The following CDH19 variants were observed in gnomAD, a reference collection of about 807,000 sequenced individuals.
The protein encoded by CDH19 is cadherin-19.
CDH19 carries 67 observed loss-of-function variants against 64.2 expected under a neutral mutation model. That is an observed-to-expected ratio of 1.04 (90% CI 0.86 to 1.28). The LOEUF (loss-of-function observed/expected upper bound fraction) is 1.28. Among genes scored for constraint, CDH19 ranks in the 50% most tolerant of loss-of-function variants. The pLI is 0.00. For synonymous variants in CDH19, 346 were observed against 319.3 expected, an observed-to-expected ratio of 1.08 and a Z score of -0.89; for missense variants, 1,030 against 929.0, an observed-to-expected ratio of 1.11 and a Z score of -1.41.
At chr18:66,525,375 T>C (rs1276175073) in intron 9 of CDH19, among the ~76,000 whole-genome samples, 3 of 152,152 alleles carry the variant, frequency 2.0e-5, no homozygotes, top group Non-Finnish European at 4.4e-5. Context: ...GATTGCTTCA[T>C]TGGTTTTAGT....
chr18:66,517,887 G>A lies in CDH19; in HGVS notation c.1459-6202C>T, dbSNP rs528255288. On this transcript the variant is annotated intron_variant, in intron 9 of 11. Transcript: ENST00000262150. ...CTGGGTGTTTTTTATATTTTTAAAC[G>A]TGGCTACAGGAAAATTTACAATTCT... Among the ~76,000 whole-genome samples the A allele has an allele frequency of 3.3e-5, 5 of 151,756 alleles. No homozygotes were observed. In the South Asian group the frequency reaches 1.0e-3, roughly 31 times the overall value.
At chr18:66,543,698 T>C (rs1217220888) in intron 7 of CDH19, among the ~76,000 whole-genome samples, 2 of 151,770 alleles carry the variant, frequency 1.3e-5, no homozygotes, top group Admixed American at 6.6e-5. Flanking sequence ...GCCTGGACAA[T>C]GTGATGAAAC....
intron 3 of CDH19, 27 bp downstream of exon 3, chr18:66,568,389 T>C (rs1987983530): frequency 6.5e-7 from 1 of 1,545,492 alleles, no homozygotes; most frequent in South Asian, 1.2e-5. Context: ...TGTTAATATA[T>C]CTTTGATGTA....
chr18:66,600,979 G>C (rs1232046085), intron 1 of CDH19, among the ~76,000 whole-genome samples: 1 of 151,750 alleles, frequency 6.6e-6, no homozygotes. Flanking sequence ...AATACTATGG[G>C]GGAAGAGTTA....
At chr18:66,596,798 C>G (rs1330052172) in intron 1 of CDH19, among the ~76,000 whole-genome samples, 1 of 151,916 alleles carries the variant, frequency 6.6e-6, no homozygotes, top group Non-Finnish European at 1.5e-5. Context: ...AAAAATCATA[C>G]TAGGCCGGGC....
rs73537788 is a variant in CDH19, at chr18:66,533,178, T to G, written c.1336+1808A>C. ...ACAATTAAGATAGAAATTGTAATTTTCAATTAACTAAAAATTAAAATTTCT... is the reference window on the plus strand; with the variant it reads ...ACAATTAAGATAGAAATTGTAATTTGCAATTAACTAAAAATTAAAATTTCT... On this transcript the variant is annotated intron_variant, in intron 8 of 11. Transcript: ENST00000262150. 2.0e-5 allele frequency among the ~76,000 whole-genome samples: 3 copies of G among 151,360 alleles called. No homozygotes were observed. The East Asian group carries it at 5.8e-4, about 29-fold the overall frequency.
intron 9 of CDH19, among the ~76,000 whole-genome samples, chr18:66,523,651 A>T (rs1986090182): frequency 6.6e-6 from 1 of 151,138 alleles, no homozygotes; most frequent in African/African-American, 2.4e-5. Flanking sequence ...GGTTGTCATG[A>T]GCCCAGGCGG....
chr18:66,577,958 TCTCTA>T (rs1449526267), intron 1 of CDH19, among the ~76,000 whole-genome samples: 1 of 151,970 alleles, frequency 6.6e-6, no homozygotes, highest in African/African-American at 2.4e-5. Flanking sequence ...TTCAAATTTC[TCTCTA>T]CTCTATCTTC....
intron 9 of CDH19, among the ~76,000 whole-genome samples, chr18:66,518,380 C>T (rs968676616): frequency 1.1e-4 from 16 of 151,902 alleles, no homozygotes; most frequent in African/African-American, 3.6e-4. Flanking sequence ...ATTACAGGTG[C>T]CCACCACCGT....
At chr18:66,553,958 C>G (rs1267849044) in intron 4 of CDH19, among the ~76,000 whole-genome samples, 1 of 89,086 alleles carries the variant, frequency 1.1e-5, no homozygotes, top group Non-Finnish European at 2.0e-5. Context: ...TAGCCTTATA[C>G]TCAGACTTAA....
intron 3 of CDH19, among the ~76,000 whole-genome samples, chr18:66,559,650 A>C (rs1987646939): frequency 6.7e-6 from 1 of 150,052 alleles, no homozygotes; most frequent in Non-Finnish European, 1.5e-5. Flanking sequence ...CACAAATGTT[A>C]TATAAAAGTG....
At position 66,535,046 on chromosome 18, in the gene CDH19, T is replaced by C; in HGVS notation, c.1276A>G (p.Asn426Asp). The change falls in exon 8 of 12, where the codon AAC (asparagine) becomes GAC (aspartate). Residue 426 changes from asparagine to aspartate, a missense_variant. Transcript: ENST00000262150. ...GCACTGATTTCACGATCCAGTGAGT[T>C]ACTTGTAGTGATTGTACCATTATCA... The part of the protein sequence containing the change: ...INDNGTITTS[N>D]SLDREISAWY... 6.6e-7 allele frequency: 1 copy of C among 1,521,802 alleles called. No homozygotes were observed. The highest frequency in any genetic ancestry group is 8.9e-7 in the Non-Finnish European group (1 of 1,119,014). 94.3% of individuals were successfully genotyped at this position (1,521,802 alleles called of 1,614,324 possible).
intron 1 of CDH19, among the ~76,000 whole-genome samples, chr18:66,574,857 C>T (rs1988220314): frequency 6.6e-6 from 1 of 151,592 alleles, no homozygotes; most frequent in African/African-American, 2.4e-5. Context: ...CAATGCATGC[C>T]AAATGACACT....
In CDH19 at chr18:66,502,602, C is replaced by T. The variant is rs537274961; in HGVS notation, c.*2210G>A. On this transcript the variant is annotated 3_prime_UTR_variant, in exon 12 of 12. Transcript: ENST00000262150. ...TAGCATTCTTTTTAAATAAAGGAAACAACACTTCATGGAATAATTCATGAA... is the reference window on the plus strand; with the variant it reads ...TAGCATTCTTTTTAAATAAAGGAAATAACACTTCATGGAATAATTCATGAA... 1 of 151,942 alleles carries T rather than the reference C, an allele frequency of 6.6e-6. No homozygotes were observed. The highest frequency in any genetic ancestry group is 2.4e-5 in the African/African-American group (1 of 41,504). 9.4% of individuals were successfully genotyped at this position (151,942 alleles called of 1,614,324 possible). A position where few individuals can be genotyped will look rare whatever the true frequency, so the allele number is the denominator to read the frequency against.
In CDH19 at chr18:66,590,450, G is replaced by T. The variant is rs74584924; in HGVS notation, c.-113+13504C>A. Among the ~76,000 whole-genome samples the T allele has an allele frequency of 5.9e-3, 890 of 151,426 alleles. 11 individuals are homozygous for T. The highest frequency in any genetic ancestry group is 0.021 in the African/African-American group (856 of 41,386). On this transcript the variant is annotated intron_variant, in intron 1 of 11. Coordinates refer to ENST00000262150, the MANE Select transcript of CDH19 (RefSeq NM_021153.4). ...TTGGTGGGATTGGAATTAAGACAAA[G>T]AATTTTGCTTTCTTTAGAGCTGGTA...
chr18:66,530,358 TA>T (rs1324892295), intron 8 of CDH19, among the ~76,000 whole-genome samples: 2 of 152,060 alleles, frequency 1.3e-5, no homozygotes, highest in Non-Finnish European at 2.9e-5. Flanking sequence ...ATTTTACGGA[TA>T]AAAAATTGAT....
chr18:66,579,746 TA>T (rs982586575), intron 1 of CDH19, among the ~76,000 whole-genome samples: 1 of 152,042 alleles, frequency 6.6e-6, no homozygotes, highest in Admixed American at 6.6e-5. Flanking sequence ...TATGGATTTA[TA>T]AAAAATTTAG....
chr18:66,524,175 TTTTC>T (rs968931354), intron 9 of CDH19, among the ~76,000 whole-genome samples: 2 of 152,146 alleles, frequency 1.3e-5, no homozygotes, highest in Non-Finnish European at 2.9e-5. Context: ...TAGCTTATTT[TTTTC>T]TTTATTTTTA....
intron 1 of CDH19, among the ~76,000 whole-genome samples, chr18:66,591,701 G>A (rs1349866573): frequency 4.0e-5 from 6 of 151,716 alleles, no homozygotes; most frequent in African/African-American, 1.4e-4. Flanking sequence ...ACTTACAAGT[G>A]GAATTCTATT....
Sources: allele counts gnomAD v4.1 joint callset (sites outside exome capture counted in the v4.1 genomes callset), GRCh38; gene constraint gnomAD v4.1.1; transcripts MANE v1.5; gene names NCBI Gene and HGNC (gene_info 2026-07-23, HGNC 2026-07-21).